LAMA2: variants seen among roughly 807,000 people sequenced by gnomAD.
LAMA2 encodes the protein laminin subunit alpha-2.
Under a neutral mutation model 364.8 loss-of-function variants are expected in LAMA2, and 269 were observed. The ratio of observed to expected loss-of-function variants is 0.74; its 90% CI spans 0.67 to 0.82. The LOEUF (loss-of-function observed/expected upper bound fraction) is 0.82. LAMA2 is among the 40% of genes least tolerant of loss of function. The pLI is 0.00. For synonymous variants in LAMA2, 1,379 were observed against 1,370.6 expected (o/e 1.01, Z -0.14); for missense variants, 3,807 against 3,873.2 (o/e 0.98, Z 0.45).
At chr6:129,490,984 C>T (rs888940251) in intron 56 of LAMA2, 1 of 152,086 alleles carries the variant, frequency 6.6e-6, no homozygotes, top group Non-Finnish European at 1.5e-5. Context: ...TTTTCCAGTT[C>T]TACATGTGGT....
In LAMA2 at chr6:129,401,352, G is replaced by T. The variant is rs746012505; in HGVS notation, c.5562+12G>T. 6.8e-7 allele frequency: 1 copy of T among 1,473,916 alleles called. No individual in the cohort carries two copies. The highest frequency in any genetic ancestry group is 1.1e-5 in the South Asian group (1 of 88,100). The allele number at this position is 1,473,916 out of a possible 1,614,324, so 91.3% of individuals were successfully genotyped here. On this transcript the variant is annotated intron_variant, in intron 38 of 64. Coordinates refer to ENST00000421865, the MANE Select transcript of LAMA2 (RefSeq NM_000426.4). ...ACTCCATCATAGACGTGAGTATTGGGTAAAACTCAAAAGAGAGATGATAAT... is the reference window on the plus strand; with the variant it reads ...ACTCCATCATAGACGTGAGTATTGGTTAAAACTCAAAAGAGAGATGATAAT...
intron 1 of LAMA2, among the ~76,000 whole-genome samples, chr6:128,961,081 C>T (rs973728007): frequency 5.9e-5 from 9 of 151,404 alleles, no homozygotes; most frequent in Admixed American, 5.3e-4. Context: ...TCTCGGTAGG[C>T]TATTTTTATG....
intron 35 of LAMA2, among the ~76,000 whole-genome samples, chr6:129,386,727 C>T (rs371119049): frequency 1.3e-5 from 2 of 152,146 alleles, no homozygotes; most frequent in African/African-American, 4.8e-5. Context: ...ATCTGTGTCC[C>T]GATGAGGCCA....
intron 4 of LAMA2, among the ~76,000 whole-genome samples, chr6:129,143,372 C>T (rs78306398): frequency 0.038 from 5,792 of 151,492 alleles, 376 homozygotes; most frequent in African/African-American, 0.13. Flanking sequence ...ATTGAAATAT[C>T]TCACTGTGAT....
chr6:129,481,248 T>G lies in LAMA2; in HGVS notation c.7573-15T>G. 6.2e-7 allele frequency: 1 copy of G among 1,610,694 alleles called. No individual in the cohort carries two copies. Among genetic ancestry groups the G allele is most frequent in the South Asian group, 1.1e-5 (1 of 91,028 alleles). ...ATTTCTAATGGTTTCTACTCTTCTT[T>G]TCCTTTACTCACAGAATGTTTACAC... On this transcript the variant is annotated splice_polypyrimidine_tract_variant and intron_variant, in intron 54 of 64. Coordinates refer to ENST00000421865, the MANE Select transcript of LAMA2 (RefSeq NM_000426.4).
rs543690119 is a variant in LAMA2 at position 129,194,506 on chromosome 6, G to A, written c.1782+1653G>A. Among the ~76,000 whole-genome samples the A allele has an allele frequency of 2.6e-5, 4 of 152,186 alleles. No individual in the cohort carries two copies. The East Asian group carries it at 7.7e-4, about 29-fold the overall frequency. ...CCCGAAGATAACTTCCCTTATCCTGGCTGAAATATTTTTCTTATAACCCAC... is the reference window on the plus strand; with the variant it reads ...CCCGAAGATAACTTCCCTTATCCTGACTGAAATATTTTTCTTATAACCCAC... On this transcript the variant is annotated intron_variant, in intron 12 of 64. Transcript: ENST00000421865.
intron 32 of LAMA2, among the ~76,000 whole-genome samples, chr6:129,365,965 C>T (rs6907994): frequency 8.5e-5 from 13 of 152,060 alleles, no homozygotes; most frequent in African/African-American, 3.1e-4. Context: ...CTATTTGCTC[C>T]TCCTCTTTGG....
chr6:128,975,027 T>C (rs1582803606), intron 1 of LAMA2, among the ~76,000 whole-genome samples: 1 of 152,014 alleles, frequency 6.6e-6, no homozygotes, highest in South Asian at 2.1e-4. Context: ...AATTTTTTTG[T>C]ATTTTTAGTA....
intron 1 of LAMA2, among the ~76,000 whole-genome samples, chr6:128,942,055 A>C (rs749356219): frequency 5.9e-5 from 9 of 152,230 alleles, no homozygotes; most frequent in Non-Finnish European, 1.2e-4. Flanking sequence ...AAACAATTCC[A>C]AGATATATGA....
intron 45 of LAMA2, among the ~76,000 whole-genome samples, chr6:129,446,541 A>G (rs1583771128): frequency 2.4e-4 from 1 of 4,092 alleles, no homozygotes; most frequent in Non-Finnish European, 4.7e-4. Context: ...AGGGGAGGCG[A>G]GGGGAGGGGA....
At chr6:129,178,746 T>C (rs1780757849) in intron 10 of LAMA2, among the ~76,000 whole-genome samples, 1 of 152,142 alleles carries the variant, frequency 6.6e-6, no homozygotes, top group South Asian at 2.1e-4. Context: ...TAAAATATTA[T>C]ATAGTTATAT....
rs531059076 is a variant in LAMA2 at position 129,493,087 on chromosome 6, G to A, written c.8244+604G>A. 1.1e-4 allele frequency among the ~76,000 whole-genome samples: 16 copies of A among 152,152 alleles called. No individual in the cohort carries two copies. In the East Asian group the frequency reaches 1.4e-3, roughly 13 times the overall value. On this transcript the variant is annotated intron_variant, in intron 58 of 64. Coordinates refer to ENST00000421865, the MANE Select transcript of LAMA2 (RefSeq NM_000426.4). The stretch of plus-strand genomic sequence containing the variant: ...GGAGAATCGCTTGAACCCAGGAGGC[G>A]GAGGTTGCAGTGAGCCGAGATCACG...
intron 42 of LAMA2, among the ~76,000 whole-genome samples, chr6:129,439,848 A>ATC (rs1250441341): frequency 8.1e-6 from 1 of 122,748 alleles, no homozygotes; most frequent in East Asian, 2.1e-4. Context: ...ATATATATAT[A>ATC]TCTATCTCAA....
At chr6:129,187,687 C>A (rs1367938729) in intron 10 of LAMA2, among the ~76,000 whole-genome samples, 1 of 151,644 alleles carries the variant, frequency 6.6e-6, no homozygotes, top group Non-Finnish European at 1.5e-5. Flanking sequence ...GAAATGTTTC[C>A]GATTTGGTAT....
intron 19 of LAMA2, among the ~76,000 whole-genome samples, chr6:129,291,118 T>A (rs1789665713): frequency 6.6e-6 from 1 of 152,170 alleles, no homozygotes; most frequent in Non-Finnish European, 1.5e-5. Context: ...ATTTTGAAAA[T>A]TCCTCAAAAT....
At chr6:129,123,383 A>G (rs937511656) in intron 4 of LAMA2, among the ~76,000 whole-genome samples, 1 of 151,794 alleles carries the variant, frequency 6.6e-6, no homozygotes, top group African/African-American at 2.4e-5. Flanking sequence ...ATATATATAT[A>G]TATATTCAAA....
At chr6:129,370,774 A>G (rs1778028981) in intron 34 of LAMA2, among the ~76,000 whole-genome samples, 1 of 152,226 alleles carries the variant, frequency 6.6e-6, no homozygotes, top group Admixed American at 6.5e-5. Context: ...AGTGAAACGA[A>G]TTAACAATGG....
At chr6:129,296,277 G>T (rs1183788354) in intron 20 of LAMA2, among the ~76,000 whole-genome samples, 2 of 151,644 alleles carry the variant, frequency 1.3e-5, no homozygotes, top group Admixed American at 1.3e-4. Context: ...TCTAAGCCAG[G>T]TATCTAAAAT....
At chr6:129,488,516 A>G (rs980321003) in intron 56 of LAMA2, among the ~76,000 whole-genome samples, 3 of 152,220 alleles carry the variant, frequency 2.0e-5, no homozygotes, top group African/African-American at 7.2e-5. Context: ...GCATTTTATT[A>G]TGCCAACTTC....
Sources: gnomAD v4.1 joint callset for allele counts (sites outside exome capture counted in the v4.1 genomes callset) on GRCh38, gnomAD v4.1.1 for gene constraint, MANE v1.5 for transcripts, NCBI Gene and HGNC (gene_info 2026-07-23, HGNC 2026-07-21) for gene names.